MARS1: variants seen among roughly 807,000 people sequenced by gnomAD.
The protein encoded by MARS1 is methionyl-tRNA synthetase 1.
MARS1 carries 80 observed loss-of-function variants against 119.5 expected under a neutral mutation model. The observed-to-expected ratio is 0.67, with a 90% confidence interval of 0.56 to 0.81. MARS1 has a LOEUF of 0.81. MARS1 is among the 30% of genes least tolerant of loss of function. The pLI is 0.00. For missense variants in MARS1, 945 were observed against 1,116.5 expected, an observed-to-expected ratio of 0.85 and a Z score of 2.19; for synonymous variants, 418 against 433.4, an observed-to-expected ratio of 0.96 and a Z score of 0.44.
intron 10 of MARS1, among the ~76,000 whole-genome samples, chr12:57,501,942 C>T (rs1012429918): frequency 6.6e-6 from 1 of 151,862 alleles, no homozygotes; most frequent in African/African-American, 2.4e-5. Flanking sequence ...TTGCAGTGAG[C>T]CAAGATTGCC....
intron 10 of MARS1, among the ~76,000 whole-genome samples, chr12:57,502,691 G>T (rs1274772897): frequency 7.4e-6 from 1 of 135,756 alleles, no homozygotes; most frequent in Admixed American, 8.0e-5. Flanking sequence ...GGGCGACAGA[G>T]CGAGATTTTG....
chr12:57,516,593 T>C lies in MARS1; in HGVS notation c.*12T>C. ...AGAAGAAAAAGTAAAAGACCTTGGC[T>C]CATAGAAAGTCACTTTAATAGATAG... On this transcript the variant is annotated 3_prime_UTR_variant, in exon 21 of 21. Coordinates refer to ENST00000262027, the MANE Select transcript of MARS1 (RefSeq NM_004990.4). The C allele has an allele frequency of 6.4e-7, 1 of 1,560,092 alleles. No homozygotes were observed. The highest frequency in any genetic ancestry group is 8.6e-7 in the Non-Finnish European group (1 of 1,160,270).
rs1200094749 is a variant in MARS1, at chr12:57,493,369, AAT to A, written c.770+2732_770+2733del. Among the ~76,000 whole-genome samples the A allele has an allele frequency of 7.1e-4, 52 of 73,482 alleles. 1 individual carries two copies. The highest frequency in any genetic ancestry group is 2.5e-3 in the African/African-American group (40 of 15,690). 48.2% of individuals were successfully genotyped at this position (73,482 alleles called of 152,430 possible). ...ATAATATATATTATATGATATGTAT[AAT>A]ATATATTATATAATATATTATATAT... On this transcript the variant is annotated intron_variant, in intron 7 of 20. Transcript: ENST00000262027.
intron 7 of MARS1, among the ~76,000 whole-genome samples, chr12:57,493,824 TTATA>T (rs1228868789): frequency 9.2e-4 from 1 of 1,084 alleles, no homozygotes; most frequent in Non-Finnish European, 4.4e-3. Flanking sequence ...ATTATATATA[TTATA>T]TTATATATTA....
At chr12:57,507,805 C>A (rs958521063) in intron 11 of MARS1, among the ~76,000 whole-genome samples, 8 of 150,360 alleles carry the variant, frequency 5.3e-5, no homozygotes, top group Admixed American at 5.3e-4. Flanking sequence ...CGGAGGCTGA[C>A]CCCCACCTCC....
Position 57,512,106 on chromosome 12 carries a change from GAGC to G in MARS1, c.1635+6_1635+8del. On this transcript the variant is annotated splice_donor_5th_base_variant and intron_variant, in intron 13 of 20. Coordinates refer to ENST00000262027, the MANE Select transcript of MARS1 (RefSeq NM_004990.4). ...GATGGTGGAAGAACCCAGAGCAAGT[GAGC>G]AGTTCTTGGTTAGGCTGTGCATGGG... The G allele has an allele frequency of 6.2e-7, 1 of 1,614,082 alleles. No individual in the cohort carries two copies. The highest frequency in any genetic ancestry group is 8.5e-7 in the Non-Finnish European group (1 of 1,179,918).
intron 7 of MARS1, among the ~76,000 whole-genome samples, chr12:57,495,869 G>A (rs891183311): frequency 4.6e-5 from 7 of 152,180 alleles, no homozygotes; most frequent in Non-Finnish European, 4.4e-5. Context: ...GTGTGGCGGC[G>A]CGCGCCTGCA....
chr12:57,488,782 C>T (rs1476716027), intron 1 of MARS1: 7 of 933,414 alleles, frequency 7.5e-6, no homozygotes, highest in Admixed American at 2.1e-5. Flanking sequence ...AATACCACCA[C>T]CTCCTCTGCA....
At position 57,508,029 on chromosome 12, in the gene MARS1, C is replaced by T. The variant is rs896739068; in HGVS notation, c.1369-3669C>T. Among the ~76,000 whole-genome samples, 150 of 152,060 alleles carry T rather than the reference C, an allele frequency of 9.9e-4. 1 individual carries two copies. The highest frequency in any genetic ancestry group is 1.0e-3 in the Non-Finnish European group (68 of 67,954). ...GCTCCTTACATCCCAGAAAGGGCGG[C>T]GGGGCAGAGGCGCTCCCCACATCTC... On this transcript the variant is annotated intron_variant, in intron 11 of 20. Transcript: ENST00000262027.
At chr12:57,514,688 T>C (rs938286708) in intron 15 of MARS1, 32 bp from the exon 16 acceptor site, 1 of 1,613,482 alleles carries the variant, frequency 6.2e-7, no homozygotes, top group East Asian at 2.2e-5. Context: ...TCCCCTCTTT[T>C]TTCCACTTCT....
intron 11 of MARS1, among the ~76,000 whole-genome samples, chr12:57,508,699 AGGTAGAG>A (rs1555167935): frequency 6.9e-6 from 1 of 145,656 alleles, no homozygotes; most frequent in African/African-American, 2.6e-5. Context: ...GTAGAGGTAG[AGGTAGAG>A]GGTAGAGGGT....
intron 7 of MARS1, among the ~76,000 whole-genome samples, chr12:57,493,458 TATA>T (rs1468117473): frequency 2.4e-3 from 1 of 416 alleles, no homozygotes; most frequent in African/African-American, 2.7e-3. Context: ...TATAATATAT[TATA>T]ATATATAATA....
chr12:57,491,479 A>C (rs1443239637), intron 7 of MARS1, among the ~76,000 whole-genome samples: 1 of 152,050 alleles, frequency 6.6e-6, no homozygotes, highest in African/African-American at 2.4e-5. Flanking sequence ...TTCCCTTACC[A>C]AGTCGTTGAC....
chr12:57,491,584 C>T (rs1048211022), intron 7 of MARS1, among the ~76,000 whole-genome samples: 3 of 152,182 alleles, frequency 2.0e-5, no homozygotes, highest in African/African-American at 7.2e-5. Flanking sequence ...CTGTTATCCT[C>T]TTTCCCTGAC....
In MARS1 at chr12:57,504,255, C is replaced by T; in HGVS notation, c.1324C>T (p.Pro442Ser). 6.2e-7 allele frequency: 1 copy of T among 1,614,164 alleles called. No individual in the cohort carries two copies. The highest frequency in any genetic ancestry group is 8.5e-7 in the Non-Finnish European group (1 of 1,180,004). Reference sequence around the variant, plus strand: ...TCAGTGTAAAGTCTGCCGATCATGCCCTGTGGTGCAGTCGAGCCAGCACCT... The same window carrying T: ...TCAGTGTAAAGTCTGCCGATCATGCTCTGTGGTGCAGTCGAGCCAGCACCT... ...KPQCKVCRSC[P>S]VVQSSQHLFL... Residue 442 changes from proline to serine, a missense_variant, in exon 11 of 21, where the codon CCT becomes TCT. By Grantham distance (74) the Pro-to-Ser change is moderately conservative. Coordinates refer to ENST00000262027, the MANE Select transcript of MARS1 (RefSeq NM_004990.4).
chr12:57,505,696 C>G (rs1287883305), intron 11 of MARS1, among the ~76,000 whole-genome samples: 1 of 151,804 alleles, frequency 6.6e-6, no homozygotes, highest in African/African-American at 2.4e-5. Context: ...CCTGTAGTCT[C>G]AGCTATGCAA....
rs747340 is a variant in MARS1 at position 57,511,566 on chromosome 12, G to C, written c.1369-132G>C. 127,021 of 852,846 alleles carry C rather than the reference G, an allele frequency of 0.15. 10,448 individuals are homozygous for C. Among genetic ancestry groups the C allele is most frequent in the African/African-American group, 0.24 (14,336 of 59,060 alleles). 52.8% of individuals were successfully genotyped at this position (852,846 alleles called of 1,614,324 possible). On this transcript the variant is annotated intron_variant, in intron 11 of 20. Coordinates refer to ENST00000262027, the MANE Select transcript of MARS1 (RefSeq NM_004990.4). ...CCACTGCACTCTAGTCTGGGCAACA[G>C]AGCAAGACTCTGTCTCCAAAAAAAA...
At chr12:57,498,350 G>A (rs1189776393) in intron 8 of MARS1, 70 bp from the exon 9 acceptor site, 1 of 1,594,196 alleles carries the variant, frequency 6.3e-7, no homozygotes, top group East Asian at 2.2e-5. Flanking sequence ...CAAGGGTGGG[G>A]CTGGGGAGAT....
intron 1 of MARS1, chr12:57,488,601 T>C (rs1270813725): frequency 6.4e-6 from 10 of 1,551,118 alleles, no homozygotes; most frequent in Non-Finnish European, 8.7e-6. Flanking sequence ...CACACGTTCC[T>C]TTCTGTTTAC....
Sources: gnomAD v4.1 joint callset for allele counts (sites outside exome capture counted in the v4.1 genomes callset) on GRCh38, gnomAD v4.1.1 for gene constraint, MANE v1.5 for transcripts, NCBI Gene and HGNC (gene_info 2026-07-23, HGNC 2026-07-21) for gene names.